Variants in ADGRF5 observed in about 807,000 individuals in gnomAD.
ADGRF5 encodes adhesion G protein-coupled receptor F5, also known as G-protein coupled receptor 116.
Under a neutral mutation model 132.3 loss-of-function variants are expected in ADGRF5, and 75 were observed. The ratio of observed to expected loss-of-function variants is 0.57; its 90% confidence interval spans 0.47 to 0.69. ADGRF5 has a LOEUF of 0.69. Ranked by LOEUF, ADGRF5 falls within the 30% of genes least tolerant of loss-of-function variation. The pLI is 0.00. For missense variants in ADGRF5, 1,516 were observed against 1,630.6 expected (o/e 0.93, Z 1.21); for synonymous variants, 629 against 597.6 (o/e 1.05, Z -0.77).
At chr6:46,935,354 T>A (rs1329460347) in intron 1 of ADGRF5, among the ~76,000 whole-genome samples, 1 of 152,154 alleles carries the variant, frequency 6.6e-6, no homozygotes, top group African/African-American at 2.4e-5. Flanking sequence ...TCAAATTCTC[T>A]ACGAACAATG....
chr6:46,936,322 T>C (rs1490221116), intron 1 of ADGRF5, among the ~76,000 whole-genome samples: 1 of 152,132 alleles, frequency 6.6e-6, no homozygotes, highest in Non-Finnish European at 1.5e-5. Flanking sequence ...ACTTCAGACT[T>C]TGTGGTTTCG....
chr6:46,890,205 G>C (rs75474482), intron 3 of ADGRF5, among the ~76,000 whole-genome samples: 17,548 of 151,872 alleles, frequency 0.12, 1,321 homozygotes, highest in Admixed American at 0.2. Context: ...TGATTCTCTG[G>C]CTTCAGCCTC....
chr6:46,941,227 G>A (rs902566471), intron 1 of ADGRF5, among the ~76,000 whole-genome samples: 13 of 151,952 alleles, frequency 8.6e-5, no homozygotes, highest in African/African-American at 2.9e-4. Context: ...CTCCTTGTGG[G>A]GCTAAGGTGG....
At chr6:46,903,738 A>T (rs548611656) in intron 2 of ADGRF5, among the ~76,000 whole-genome samples, 3 of 152,308 alleles carry the variant, frequency 2.0e-5, no homozygotes, top group African/African-American at 7.2e-5. Context: ...TCCTCACATA[A>T]GCATATTCAG....
intron 3 of ADGRF5, among the ~76,000 whole-genome samples, chr6:46,889,568 G>GTGTATA (rs1263241979): frequency 0.056 from 4,362 of 77,610 alleles, 104 homozygotes; most frequent in Non-Finnish European, 0.1. Context: ...GTGTGTGTGT[G>GTGTATA]TATATATATA....
intron 1 of ADGRF5, among the ~76,000 whole-genome samples, chr6:46,943,914 G>A (rs938024318): frequency 1.3e-5 from 2 of 152,202 alleles, no homozygotes; most frequent in Non-Finnish European, 2.9e-5. Context: ...CGGGAAGAAT[G>A]TTCCTGCAAA....
chr6:46,872,789 C>T (rs546436190), intron 10 of ADGRF5, among the ~76,000 whole-genome samples: 58 of 152,266 alleles, frequency 3.8e-4, no homozygotes, highest in African/African-American at 1.3e-3. Flanking sequence ...ACCTTGCCTG[C>T]TGCCATGCAC....
At chr6:46,881,646 G>A (rs1318282772) in intron 7 of ADGRF5, 49 bp from the exon 8 acceptor site, 2 of 1,550,530 alleles carry the variant, frequency 1.3e-6, no homozygotes, top group Non-Finnish European at 1.8e-6. Flanking sequence ...ACCTGGAAGA[G>A]TCTAGATATT....
rs149413365 is a variant in ADGRF5, at chr6:46,942,195, C to T, written c.-25+12539G>A. On this transcript the variant is annotated intron_variant, in intron 1 of 20. Transcript: ENST00000265417. ...ATCACCTCCTCCCCCTGTCAAAGCA[C>T]CTGCTGAACTGCATTACAATGCTCT... 8.6e-4 allele frequency among the ~76,000 whole-genome samples: 131 copies of T among 152,264 alleles called. 1 individual carries two copies. The highest frequency in any genetic ancestry group is 2.6e-3 in the African/African-American group (107 of 41,556).
At chr6:46,874,943 T>A (rs1409638784) in intron 10 of ADGRF5, among the ~76,000 whole-genome samples, 1 of 152,164 alleles carries the variant, frequency 6.6e-6, no homozygotes, top group Non-Finnish European at 1.5e-5. Context: ...CTGCTACATA[T>A]CCTACAATGC....
At position 46,897,743 on chromosome 6, in the gene ADGRF5, A is replaced by G. The variant is rs370983903; in HGVS notation, c.157+2286T>C. Among the ~76,000 whole-genome samples, 12 of 152,078 alleles carry G rather than the reference A, an allele frequency of 7.9e-5. No individual in the cohort carries two copies. The East Asian group carries it at 1.9e-3, about 24-fold the overall frequency. ...CTATTTTTAGTAGAGACGGAGTTTC[A>G]CCAGTTTTGTCAGACTGGTCTCGAA... On this transcript the variant is annotated intron_variant, in intron 3 of 20. Transcript: ENST00000283296.
chr6:46,888,173 G>T (rs767673760), intron 4 of ADGRF5, among the ~76,000 whole-genome samples, 162 bp downstream of exon 4: 1 of 151,972 alleles, frequency 6.6e-6, no homozygotes, highest in South Asian at 2.1e-4. Flanking sequence ...ACTGATAGAG[G>T]CTTCATTCAG....
At chr6:46,893,058 ATT>A (rs35014340) in intron 3 of ADGRF5, among the ~76,000 whole-genome samples, 6,926 of 86,386 alleles carry the variant, frequency 0.08, 123 homozygotes, top group Admixed American at 0.16. Flanking sequence ...GACAACAGGG[ATT>A]TTTTTTTTTT....
At chr6:46,914,767 A>G (rs1256544748) in intron 1 of ADGRF5, among the ~76,000 whole-genome samples, 1 of 152,008 alleles carries the variant, frequency 6.6e-6, no homozygotes, top group East Asian at 1.9e-4. Flanking sequence ...AAGCCATGGC[A>G]AAACAATGCC....
chr6:46,910,675 G>A (rs1479376927), intron 1 of ADGRF5, among the ~76,000 whole-genome samples: 1 of 152,062 alleles, frequency 6.6e-6, no homozygotes, highest in African/African-American at 2.4e-5. Context: ...TGAGCTAAGA[G>A]ATTTTCTTGG....
upstream of ADGRF5, among the ~76,000 whole-genome samples, chr6:46,922,754 C>T (rs9463264): frequency 8.8e-3 from 1,345 of 152,266 alleles, 20 homozygotes; most frequent in African/African-American, 0.03. Flanking sequence ...GGCTTGGAAT[C>T]GGCATTGGAA....
intron 8 of ADGRF5, among the ~76,000 whole-genome samples, chr6:46,880,553 G>A (rs540227037): frequency 1.3e-5 from 2 of 152,166 alleles, no homozygotes; most frequent in East Asian, 3.9e-4. Flanking sequence ...AATACTCATG[G>A]ACCTCTTTAA....
chr6:46,871,738 G>T, intron 11 of ADGRF5, 105 bp downstream of exon 11: 1 of 718,300 alleles, frequency 1.4e-6, no homozygotes. Context: ...CTCCCTCTCT[G>T]TCCATTATTT....
At chr6:46,892,389 A>G (rs1256239418) in intron 3 of ADGRF5, among the ~76,000 whole-genome samples, 1 of 152,216 alleles carries the variant, frequency 6.6e-6, no homozygotes. Context: ...AGGCAAAATG[A>G]TTAATAATAA....
Sources: allele counts gnomAD v4.1 joint callset (sites outside exome capture counted in the v4.1 genomes callset), GRCh38; gene constraint gnomAD v4.1.1; transcripts MANE v1.5; gene names NCBI Gene and HGNC (gene_info 2026-07-23, HGNC 2026-07-21).